Variants in FBXO16 observed in about 807,000 individuals in gnomAD.
The protein encoded by FBXO16 is F-box protein 16.
In FBXO16, 31 loss-of-function variants were observed where a neutral mutation model predicts 41.0. That is an observed-to-expected ratio of 0.76 (90% CI 0.57 to 1.02). The LOEUF (loss-of-function observed/expected upper bound fraction) is 1.02. FBXO16 is among the 50% of genes least tolerant of loss of function. The pLI is 0.00. For synonymous variants in FBXO16, 133 were observed against 117.8 expected, an observed-to-expected ratio of 1.13 and a Z score of -0.84; for missense variants, 361 against 346.2, an observed-to-expected ratio of 1.04 and a Z score of -0.34.
At position 28,428,698 on chromosome 8, in the gene FBXO16, A is replaced by T. The variant is rs1258667198; in HGVS notation, c.*29T>A. The T allele has an allele frequency of 1.3e-6, 2 of 1,574,278 alleles. No individual in the cohort carries two copies. Among genetic ancestry groups the T allele is most frequent in the Non-Finnish European group, 1.7e-6 (2 of 1,162,018 alleles). ...ACTCAGGGGGAGGCCAGGCGAGATG[A>T]GCTGGAACTTTTAGGGGAGAGCTGG... is the stretch of plus-strand genomic sequence containing the variant. On this transcript the variant is annotated 3_prime_UTR_variant, in exon 9 of 9. Coordinates refer to ENST00000380254, the MANE Select transcript of FBXO16 (RefSeq NM_172366.4).
At chr8:28,483,484 C>CT (rs1288887728) in intron 1 of FBXO16, 22 bp from the exon 2 acceptor site, 1 of 1,544,924 alleles carries the variant, frequency 6.5e-7, no homozygotes, top group African/African-American at 1.4e-5. Context: ...AAAACAACAC[C>CT]TATCAGAAGA....
chr8:28,462,353 A>C (rs1803150034), intron 4 of FBXO16, among the ~76,000 whole-genome samples: 1 of 145,744 alleles, frequency 6.9e-6, no homozygotes, highest in Non-Finnish European at 1.5e-5. Context: ...TTCTCGGCTT[A>C]CTGCAAGCTC....
At chr8:28,478,752 G>A (rs1446974454) in intron 2 of FBXO16, among the ~76,000 whole-genome samples, 5 of 150,610 alleles carry the variant, frequency 3.3e-5, no homozygotes, top group Non-Finnish European at 7.4e-5. Flanking sequence ...GAACTGGGAG[G>A]CAGAGGTTGC....
At chr8:28,433,683 C>T (rs568336556) in intron 7 of FBXO16, among the ~76,000 whole-genome samples, 95 of 152,316 alleles carry the variant, frequency 6.2e-4, no homozygotes, top group South Asian at 1.2e-3. Flanking sequence ...TAATGATAAA[C>T]ATACCAATGC....
intron 3 of FBXO16, among the ~76,000 whole-genome samples, chr8:28,469,967 G>A (rs1459017746): frequency 6.6e-6 from 1 of 151,638 alleles, no homozygotes; most frequent in East Asian, 1.9e-4. Flanking sequence ...CACTTTGGGA[G>A]GCCGAGGCGG....
chr8:28,449,616 C>T (rs1332368089), intron 6 of FBXO16, among the ~76,000 whole-genome samples: 1 of 152,068 alleles, frequency 6.6e-6, no homozygotes, highest in African/African-American at 2.4e-5. Flanking sequence ...TGCCACCACA[C>T]CTGGCCTGAT....
At position 28,483,457 on chromosome 8, in the gene FBXO16, G is replaced by T; in HGVS notation, c.-11C>A. On this transcript the variant is annotated 5_prime_UTR_variant, in exon 2 of 9. Coordinates refer to ENST00000380254, the MANE Select transcript of FBXO16 (RefSeq NM_172366.4). ...TGCAAATGCCATCATGAAACAACTG[G>T]ATATCCTTCCATAAGAAAAACAACA... 6.2e-7 allele frequency: 1 copy of T among 1,606,320 alleles called. No individual in the cohort carries two copies. The highest frequency in any genetic ancestry group is 8.5e-7 in the Non-Finnish European group (1 of 1,174,686).
intron 7 of FBXO16, among the ~76,000 whole-genome samples, chr8:28,446,085 G>C (rs1356079657): frequency 6.6e-6 from 1 of 151,530 alleles, no homozygotes; most frequent in Non-Finnish European, 1.5e-5. Flanking sequence ...ACAATTACTG[G>C]CTTTATTAGG....
At chr8:28,444,925 C>G (rs1266602580) in intron 7 of FBXO16, among the ~76,000 whole-genome samples, 1 of 151,610 alleles carries the variant, frequency 6.6e-6, no homozygotes, top group African/African-American at 2.4e-5. Flanking sequence ...GCCACCGTGC[C>G]CGGCCTATTT....
chr8:28,475,641 T>C (rs1803411916), intron 2 of FBXO16, among the ~76,000 whole-genome samples: 1 of 152,234 alleles, frequency 6.6e-6, no homozygotes, highest in South Asian at 2.1e-4. Flanking sequence ...ACTCAATTTA[T>C]AGTTCACGCT....
In FBXO16 at chr8:28,463,437, T is replaced by C. The variant is rs186844337; in HGVS notation, c.342+175A>G. On this transcript the variant is annotated intron_variant, in intron 4 of 8. Transcript: ENST00000380254. ...GTGTATATGTATGTGTGTATATGTG[T>C]ATGTGTGTGTTTATGAGTATATGTG... 5.6e-4 allele frequency among the ~76,000 whole-genome samples: 85 copies of C among 151,504 alleles called. No individual in the cohort carries two copies. In the East Asian group the frequency reaches 0.013, roughly 24 times the overall value.
chr8:28,475,993 C>T (rs1803417524), intron 2 of FBXO16, among the ~76,000 whole-genome samples: 1 of 152,220 alleles, frequency 6.6e-6, no homozygotes, highest in Non-Finnish European at 1.5e-5. Context: ...CTTGATTCCT[C>T]ACCAGATCCT....
intron 1 of FBXO16, among the ~76,000 whole-genome samples, chr8:28,489,343 A>G (rs118165448): frequency 0.037 from 5,611 of 151,902 alleles, 165 homozygotes; most frequent in Middle Eastern, 0.078. Flanking sequence ...CTCCATCTTG[A>G]AAAACAAAAA....
At chr8:28,473,909 G>C (rs909310451) in intron 2 of FBXO16, 102 bp from the exon 3 acceptor site, 6 of 862,794 alleles carry the variant, frequency 7.0e-6, no homozygotes, top group Non-Finnish European at 1.1e-5. Flanking sequence ...AACATTCATT[G>C]TATCAACTGA....
chr8:28,443,451 G>A (rs556793788), intron 7 of FBXO16, among the ~76,000 whole-genome samples: 1 of 152,044 alleles, frequency 6.6e-6, no homozygotes, highest in South Asian at 2.1e-4. Context: ...TCCTAGGTTT[G>A]GGGGTCAGGG....
At chr8:28,439,772 T>A (rs1467132973) in intron 7 of FBXO16, among the ~76,000 whole-genome samples, 1 of 151,868 alleles carries the variant, frequency 6.6e-6, no homozygotes, top group South Asian at 2.1e-4. Context: ...AATTTAAATT[T>A]AAAAAACCCC....
chr8:28,435,354 A>G (rs1480954450), intron 7 of FBXO16, among the ~76,000 whole-genome samples: 1 of 151,940 alleles, frequency 6.6e-6, no homozygotes, highest in East Asian at 1.9e-4. Flanking sequence ...TTGTATTTTT[A>G]GCAGAGATGG....
intron 7 of FBXO16, among the ~76,000 whole-genome samples, chr8:28,437,536 G>A (rs1192506443): frequency 6.6e-6 from 1 of 152,226 alleles, no homozygotes; most frequent in Non-Finnish European, 1.5e-5. Flanking sequence ...ATGGCACTGA[G>A]TTCAACACAC....
intron 3 of FBXO16, among the ~76,000 whole-genome samples, chr8:28,472,835 G>T (rs1291770788): frequency 1.3e-5 from 2 of 152,314 alleles, no homozygotes; most frequent in East Asian, 3.9e-4. Flanking sequence ...GGAGGAAGGT[G>T]CTAGAGGGAA....
Sources: allele counts gnomAD v4.1 joint callset (sites outside exome capture counted in the v4.1 genomes callset), GRCh38; gene constraint gnomAD v4.1.1; transcripts MANE v1.5; gene names NCBI Gene and HGNC (gene_info 2026-07-23, HGNC 2026-07-21).